The following ARHGAP26 variants were observed in gnomAD, a reference collection of about 807,000 sequenced individuals.
ARHGAP26 encodes the protein rho GTPase-activating protein 26.
In ARHGAP26, 38 loss-of-function variants were observed where a neutral mutation model predicts 104.8. The observed-to-expected ratio is 0.36, with a 90% CI of 0.28 to 0.48. ARHGAP26 has a LOEUF of 0.48. Among genes scored for constraint, ARHGAP26 ranks in the 20% least tolerant of loss-of-function variants. The pLI, the probability that ARHGAP26 is intolerant of heterozygous loss-of-function variation, is 0.99. For synonymous variants in ARHGAP26, 341 were observed against 340.0 expected, an observed-to-expected ratio of 1.00 and a Z score of -0.03; for missense variants, 704 against 947.9, an observed-to-expected ratio of 0.74 and a Z score of 3.38.
intron 16 of ARHGAP26, among the ~76,000 whole-genome samples, chr5:143,056,573 T>G (rs1259731134): frequency 6.6e-6 from 1 of 152,130 alleles, no homozygotes; most frequent in Admixed American, 6.6e-5. Flanking sequence ...CAGCTTCTGA[T>G]CATTCTTCAA....
At chr5:143,152,353 A>G (rs951632554) in intron 20 of ARHGAP26, among the ~76,000 whole-genome samples, 1 of 152,204 alleles carries the variant, frequency 6.6e-6, no homozygotes, top group East Asian at 1.9e-4. Flanking sequence ...TAAAACTTTC[A>G]TGCAATTTTT....
At chr5:143,046,253 A>C (rs1784224216) in intron 14 of ARHGAP26, among the ~76,000 whole-genome samples, 2 of 152,192 alleles carry the variant, frequency 1.3e-5, no homozygotes, top group Admixed American at 1.3e-4. Flanking sequence ...GCAGTGAGCC[A>C]AGATCACACC....
At chr5:142,853,737 G>A (rs758682906) in intron 1 of ARHGAP26, among the ~76,000 whole-genome samples, 3 of 152,154 alleles carry the variant, frequency 2.0e-5, no homozygotes, top group Non-Finnish European at 4.4e-5. Context: ...TTGACTCCAC[G>A]TTCTCAGATG....
chr5:142,857,874 T>C lies in ARHGAP26; in HGVS notation c.155-15526T>C, dbSNP rs1160172732. Among the ~76,000 whole-genome samples the C allele has an allele frequency of 2.6e-5, 4 of 152,208 alleles. No homozygotes were observed. In the East Asian group the frequency reaches 5.8e-4, roughly 22 times the overall value. On this transcript the variant is annotated intron_variant, in intron 1 of 22. Coordinates refer to ENST00000645722, the MANE Select transcript of ARHGAP26 (RefSeq NM_001135608.3). Reference sequence around the variant, plus strand: ...TCTGTAACAGTGGTTTTTAAACTTATTGTGCATAGGAATCATCCGGAGAGT... The same window carrying C: ...TCTGTAACAGTGGTTTTTAAACTTACTGTGCATAGGAATCATCCGGAGAGT...
intron 11 of ARHGAP26, among the ~76,000 whole-genome samples, chr5:142,942,464 G>A (rs1272398711): frequency 6.6e-6 from 1 of 152,212 alleles, no homozygotes; most frequent in Non-Finnish European, 1.5e-5. Flanking sequence ...TGGGCTGTGT[G>A]CCTATACAGT....
intron 20 of ARHGAP26, among the ~76,000 whole-genome samples, chr5:143,158,496 C>T (rs1800784245): frequency 1.3e-5 from 2 of 152,000 alleles, no homozygotes; most frequent in Non-Finnish European, 2.9e-5. Context: ...AATTTAGCCT[C>T]AGGAATTCCT....
chr5:142,963,653 C>T (rs1770785462), intron 11 of ARHGAP26, among the ~76,000 whole-genome samples: 1 of 152,164 alleles, frequency 6.6e-6, no homozygotes, highest in African/African-American at 2.4e-5. Flanking sequence ...TCACCTGTGC[C>T]TTCTCAGAGA....
At chr5:143,139,877 G>A (rs1231783126) in intron 19 of ARHGAP26, among the ~76,000 whole-genome samples, 2 of 152,218 alleles carry the variant, frequency 1.3e-5, no homozygotes, top group African/African-American at 4.8e-5. Flanking sequence ...CTGGACGACT[G>A]TAGAAGGGGG....
At chr5:142,957,613 C>T (rs886990293) in intron 11 of ARHGAP26, among the ~76,000 whole-genome samples, 1 of 152,188 alleles carries the variant, frequency 6.6e-6, no homozygotes, top group Non-Finnish European at 1.5e-5. Flanking sequence ...GAGTCTCTTA[C>T]GTAGTTTGAT....
intron 1 of ARHGAP26, among the ~76,000 whole-genome samples, chr5:142,784,293 C>T (rs978921447): frequency 6.6e-6 from 1 of 152,210 alleles, no homozygotes; most frequent in Non-Finnish European, 1.5e-5. Context: ...CTTTTGGCCT[C>T]TGTGTCTTTT....
intron 22 of ARHGAP26, among the ~76,000 whole-genome samples, chr5:143,215,634 C>T (rs1810224388): frequency 6.6e-6 from 1 of 152,198 alleles, no homozygotes; most frequent in Non-Finnish European, 1.5e-5. Context: ...TACCACAACC[C>T]ATTTCCATCC....
chr5:142,842,430 A>G (rs763043979), intron 1 of ARHGAP26, among the ~76,000 whole-genome samples: 27 of 152,118 alleles, frequency 1.8e-4, no homozygotes, highest in Admixed American at 3.3e-4. Context: ...TGTGTCATTT[A>G]TGCCCCCGTC....
At chr5:143,133,934 G>A (rs755937276) in intron 18 of ARHGAP26, 33 bp from the exon 19 acceptor site, 2 of 1,581,074 alleles carry the variant, frequency 1.3e-6, no homozygotes, top group Non-Finnish European at 1.7e-6. Context: ...GTCCACAGAT[G>A]TGAGTAACCT....
rs959819047 is a variant in ARHGAP26 at position 142,842,329 on chromosome 5, G to A, written c.155-31071G>A. Among the ~76,000 whole-genome samples the A allele has an allele frequency of 3.3e-5, 5 of 152,312 alleles. No individual in the cohort carries two copies. The South Asian group carries it at 6.2e-4, about 19-fold the overall frequency. Reference sequence around the variant, plus strand: ...TTGTTCTTGAAAAGAGAGGAGTGTGGAGTTATCTGGGTATGTAGTCTGTGG... The same window carrying A: ...TTGTTCTTGAAAAGAGAGGAGTGTGAAGTTATCTGGGTATGTAGTCTGTGG... On this transcript the variant is annotated intron_variant, in intron 1 of 22. Coordinates refer to ENST00000645722, the MANE Select transcript of ARHGAP26 (RefSeq NM_001135608.3).
intron 20 of ARHGAP26, among the ~76,000 whole-genome samples, chr5:143,201,146 G>A (rs1807653593): frequency 6.6e-6 from 1 of 152,228 alleles, no homozygotes; most frequent in South Asian, 2.1e-4. Context: ...TAAAGTGGAT[G>A]TAAGCCTACC....
At chr5:143,143,511 T>A (rs1798804158) in intron 19 of ARHGAP26, among the ~76,000 whole-genome samples, 1 of 152,168 alleles carries the variant, frequency 6.6e-6, no homozygotes, top group Non-Finnish European at 1.5e-5. Context: ...CGTTCCTGAT[T>A]TGTACAAAAA....
intron 9 of ARHGAP26, among the ~76,000 whole-genome samples, chr5:142,911,371 C>T (rs138835559): frequency 6.6e-6 from 1 of 152,292 alleles, no homozygotes; most frequent in East Asian, 1.9e-4. Context: ...CCTATGTGGA[C>T]CCTGACCCCA....
At chr5:142,881,831 CTCTG>C (rs1757040890) in intron 4 of ARHGAP26, among the ~76,000 whole-genome samples, 1 of 152,214 alleles carries the variant, frequency 6.6e-6, no homozygotes. Context: ...AGGTTCTGAA[CTCTG>C]TCTGTGCCAT....
chr5:143,211,350 T>C (rs184061311), intron 21 of ARHGAP26, among the ~76,000 whole-genome samples: 163 of 152,206 alleles, frequency 1.1e-3, no homozygotes, highest in African/African-American at 3.8e-3. Context: ...TCTAACTAGG[T>C]GTCCTGTATT....
Sources: gnomAD v4.1 joint callset for allele counts (sites outside exome capture counted in the v4.1 genomes callset) on GRCh38, gnomAD v4.1.1 for gene constraint, MANE v1.5 for transcripts, NCBI Gene and HGNC (gene_info 2026-07-23, HGNC 2026-07-21) for gene names.